ADAMTSL1: variants seen among roughly 807,000 people sequenced by gnomAD.
The protein encoded by ADAMTSL1 is ADAMTS like 1, also known as ADAMTS-like protein 1.
A neutral mutation model predicts 201.8 loss-of-function variants in ADAMTSL1; 126 were observed. The observed-to-expected ratio is 0.62, with a 90% CI of 0.54 to 0.72. The LOEUF is 0.72. Ranked by LOEUF, ADAMTSL1 falls within the 30% of genes least tolerant of loss-of-function variation. The pLI, the probability that ADAMTSL1 is intolerant of heterozygous loss-of-function variation, is 0.00. For synonymous variants in ADAMTSL1, 1,121 were observed against 903.4 expected (o/e 1.24, Z -4.32); for missense variants, 2,679 against 2,277.8 (o/e 1.18, Z -3.59).
chr9:18,785,866 GCA>G (rs1821680622), intron 19 of ADAMTSL1, among the ~76,000 whole-genome samples: 2 of 152,194 alleles, frequency 1.3e-5, no homozygotes, highest in Non-Finnish European at 2.9e-5. Flanking sequence ...AATTGGCACT[GCA>G]CATTGGATTA....
chr9:18,036,680 T>C lies in ADAMTSL1; in HGVS notation c.88-127182T>C, dbSNP rs16936258. ...AAGCAAAGAAAATAGGCTTAGGAGG[T>C]ATCAGATATCTTCGTTTGGTAAAGA... On this transcript the variant is annotated intron_variant, in intron 1 of 29. Coordinates refer to the ADAMTSL1 transcript ENST00000680146. Among the ~76,000 whole-genome samples the C allele has an allele frequency of 7.5e-3, 1,137 of 152,196 alleles. 22 individuals are homozygous for C. The highest frequency in any genetic ancestry group is 0.026 in the African/African-American group (1,060 of 41,552).
chr9:18,054,134 ATATGTGTGTGTCTATAGT>A (rs779028774), intron 1 of ADAMTSL1, among the ~76,000 whole-genome samples: 139 of 152,310 alleles, frequency 9.1e-4, no homozygotes, highest in Non-Finnish European at 1.6e-3. Context: ...TACAGGAAAT[ATATGTGTGTGTCTATAGT>A]TATGTATGTG....
At chr9:18,583,660 G>A (rs1168519598) in intron 4 of ADAMTSL1, among the ~76,000 whole-genome samples, 1 of 152,152 alleles carries the variant, frequency 6.6e-6, no homozygotes, top group East Asian at 1.9e-4. Flanking sequence ...CTCAACACCA[G>A]CCAGTAAAAG....
chr9:18,516,511 G>A (rs997145921), intron 2 of ADAMTSL1, among the ~76,000 whole-genome samples: 2 of 152,214 alleles, frequency 1.3e-5, no homozygotes. Flanking sequence ...TTCCTACTTA[G>A]GGAGAGAACC....
At chr9:18,595,085 A>G (rs1469443741) in intron 4 of ADAMTSL1, among the ~76,000 whole-genome samples, 1 of 152,116 alleles carries the variant, frequency 6.6e-6, no homozygotes, top group African/African-American at 2.4e-5. Flanking sequence ...TCAGAAGTTG[A>G]TGTGGCCATC....
At chr9:18,126,009 A>C (rs1450324075) in intron 1 of ADAMTSL1, among the ~76,000 whole-genome samples, 9 of 152,162 alleles carry the variant, frequency 5.9e-5, no homozygotes, top group Non-Finnish European at 1.3e-4. Flanking sequence ...TGCCAGTAGG[A>C]ACCCTGCCTG....
chr9:17,947,154 CTA>C, intron 1 of ADAMTSL1, among the ~76,000 whole-genome samples: 1 of 150,574 alleles, frequency 6.6e-6, no homozygotes, highest in East Asian at 1.9e-4. Flanking sequence ...TTATAGTTAA[CTA>C]TATATACATA....
At chr9:18,763,317 C>G (rs1438108659) in intron 16 of ADAMTSL1, among the ~76,000 whole-genome samples, 2 of 152,172 alleles carry the variant, frequency 1.3e-5, no homozygotes, top group African/African-American at 2.4e-5. Flanking sequence ...TGAGAGATGT[C>G]TAGTCAGATC....
At chr9:18,034,374 A>T (rs1821103874) in intron 1 of ADAMTSL1, among the ~76,000 whole-genome samples, 1 of 151,902 alleles carries the variant, frequency 6.6e-6, no homozygotes, top group African/African-American at 2.4e-5. Flanking sequence ...ACCCTCCTTC[A>T]AACTCTCCTC....
chr9:18,841,417 T>C (rs1825707884), intron 23 of ADAMTSL1, among the ~76,000 whole-genome samples: 1 of 152,202 alleles, frequency 6.6e-6, no homozygotes, highest in South Asian at 2.1e-4. Context: ...AGCTTTTTGA[T>C]GTGCTGCTGG....
intron 21 of ADAMTSL1, among the ~76,000 whole-genome samples, chr9:18,825,048 TAAAC>T (rs1276849868): frequency 1.3e-5 from 2 of 152,204 alleles, no homozygotes; most frequent in Non-Finnish European, 2.9e-5. Context: ...GTTCTATAAA[TAAAC>T]TGTGTGAGCT....
At chr9:18,360,138 C>T (rs1426813087) in intron 2 of ADAMTSL1, among the ~76,000 whole-genome samples, 1 of 152,080 alleles carries the variant, frequency 6.6e-6, no homozygotes, top group African/African-American at 2.4e-5. Flanking sequence ...CAGAAGGTTC[C>T]TGTGTCTGGT....
intron 26 of ADAMTSL1, among the ~76,000 whole-genome samples, chr9:18,896,258 AC>A (rs1829629936): frequency 6.6e-6 from 1 of 152,144 alleles, no homozygotes; most frequent in Non-Finnish European, 1.5e-5. Flanking sequence ...AGCCAAAGGG[AC>A]CCACACTAAG....
intron 20 of ADAMTSL1, among the ~76,000 whole-genome samples, chr9:18,816,454 C>A (rs1260719756): frequency 1.3e-5 from 2 of 152,116 alleles, no homozygotes; most frequent in Admixed American, 6.5e-5. Flanking sequence ...CCAGGCTAGT[C>A]TCAAACTCCT....
intron 1 of ADAMTSL1, among the ~76,000 whole-genome samples, chr9:18,113,401 A>G (rs978202870): frequency 6.6e-6 from 1 of 152,150 alleles, no homozygotes; most frequent in Non-Finnish European, 1.5e-5. Context: ...TAAGTTCCAT[A>G]TATGTTCAGG....
chr9:18,585,519 G>A (rs1452137798), intron 4 of ADAMTSL1, among the ~76,000 whole-genome samples: 1 of 151,992 alleles, frequency 6.6e-6, no homozygotes, highest in African/African-American at 2.4e-5. Flanking sequence ...GGAAATTGAG[G>A]CTCATAGAAA....
intron 6 of ADAMTSL1, among the ~76,000 whole-genome samples, chr9:18,637,802 T>C (rs1302549857): frequency 6.6e-6 from 1 of 152,102 alleles, no homozygotes; most frequent in Non-Finnish European, 1.5e-5. Flanking sequence ...CAAACCAGAA[T>C]AAGATGAGGC....
chr9:18,829,292 T>C (rs935439881), intron 22 of ADAMTSL1, among the ~76,000 whole-genome samples: 1 of 152,174 alleles, frequency 6.6e-6, no homozygotes, highest in Admixed American at 6.5e-5. Context: ...TACTTAGGCA[T>C]AAAAATCCAA....
intron 2 of ADAMTSL1, among the ~76,000 whole-genome samples, chr9:18,323,018 A>G (rs118151149): frequency 6.6e-6 from 1 of 152,206 alleles, no homozygotes. Context: ...AGAGGAGAGA[A>G]TACTTCCCTA....
Sources: gnomAD v4.1 joint callset for allele counts (sites outside exome capture counted in the v4.1 genomes callset) on GRCh38, gnomAD v4.1.1 for gene constraint, MANE v1.5 for transcripts, NCBI Gene and HGNC (gene_info 2026-07-23, HGNC 2026-07-21) for gene names.